Variants in WWOX observed in about 807,000 individuals in gnomAD.
WWOX encodes WW domain containing oxidoreductase, also known as WW domain-containing oxidoreductase.
Under a neutral mutation model 46.2 loss-of-function variants are expected in WWOX, and 69 were observed. The observed-to-expected ratio is 1.49, with a 90% CI of 1.23 to 1.82. WWOX has a LOEUF of 1.82. Among genes scored for constraint, WWOX ranks in the 40% most tolerant of loss-of-function variants. The pLI, the probability that WWOX is intolerant of heterozygous loss-of-function variation, is 0.00. For missense variants in WWOX, 919 were observed against 542.6 expected (o/e 1.69, Z -6.89); for synonymous variants, 359 against 202.6 (o/e 1.77, Z -6.56).
At chr16:78,394,917 G>T (rs1308921629) in intron 6 of WWOX, among the ~76,000 whole-genome samples, 1 of 152,166 alleles carries the variant, frequency 6.6e-6, no homozygotes, top group Non-Finnish European at 1.5e-5. Flanking sequence ...GTGTGGCTTT[G>T]GGCAAACTAC....
At chr16:79,041,647 A>G (rs2047973689) in intron 8 of WWOX, among the ~76,000 whole-genome samples, 1 of 152,106 alleles carries the variant, frequency 6.6e-6, no homozygotes, top group South Asian at 2.1e-4. Flanking sequence ...GGCCACCAAG[A>G]GCCATCCCAC....
intron 8 of WWOX, among the ~76,000 whole-genome samples, chr16:79,069,729 T>A (rs974403897): frequency 1.4e-4 from 22 of 152,136 alleles, no homozygotes; most frequent in African/African-American, 5.3e-4. Flanking sequence ...GTGGTCACCA[T>A]AGATGGCCAA....
chr16:78,571,365 G>A (rs76941086), intron 8 of WWOX, among the ~76,000 whole-genome samples: 5,754 of 152,172 alleles, frequency 0.038, 161 homozygotes, highest in East Asian at 0.14. Context: ...CCCATTAAAT[G>A]TGTATATATA....
intron 8 of WWOX, among the ~76,000 whole-genome samples, chr16:79,121,451 G>A (rs1036390258): frequency 1.3e-5 from 2 of 152,192 alleles, no homozygotes; most frequent in Admixed American, 6.5e-5. Flanking sequence ...TCTAAGGTCC[G>A]ATGTCGGTTT....
intron 1 of WWOX, among the ~76,000 whole-genome samples, chr16:78,107,120 A>G (rs980110515): frequency 6.0e-5 from 9 of 150,244 alleles, no homozygotes; most frequent in African/African-American, 2.3e-4. Context: ...TTCACATCTT[A>G]TCATCTAGAT....
intron 8 of WWOX, among the ~76,000 whole-genome samples, chr16:78,674,558 T>G (rs927345512): frequency 5.9e-5 from 9 of 152,166 alleles, no homozygotes; most frequent in African/African-American, 2.2e-4. Flanking sequence ...GTGCTGAGAT[T>G]ACAGGCTTGA....
chr16:78,181,317 T>C (rs1483297297), intron 5 of WWOX, among the ~76,000 whole-genome samples: 1 of 152,176 alleles, frequency 6.6e-6, no homozygotes, highest in African/African-American at 2.4e-5. Flanking sequence ...CTGTTTTCAG[T>C]GTTCTCTGAT....
chr16:79,212,360 G>C lies in WWOX; in HGVS notation c.*564G>C, dbSNP rs2051794496. On this transcript the variant is annotated 3_prime_UTR_variant, in exon 9 of 9. Coordinates refer to ENST00000566780, the MANE Select transcript of WWOX (RefSeq NM_016373.4). ...AGTGAGGATGACAGTGACACCCAGA[G>C]GGAGTAGAATACGCAGAACTACCAG... 1 of 583,812 alleles carries C rather than the reference G, an allele frequency of 1.7e-6. No homozygotes were observed. The highest frequency in any genetic ancestry group is 2.9e-6 in the Non-Finnish European group (1 of 346,164). 36.2% of individuals were successfully genotyped at this position (583,812 alleles called of 1,614,324 possible). A position where few individuals can be genotyped will look rare whatever the true frequency, so the allele number is the denominator to read the frequency against.
chr16:78,864,946 A>G (rs973212712), intron 8 of WWOX, among the ~76,000 whole-genome samples: 1 of 151,510 alleles, frequency 6.6e-6, no homozygotes, highest in African/African-American at 2.4e-5. Flanking sequence ...TATTTTTAGT[A>G]GAGTTGGGGT....
At chr16:78,505,879 C>G (rs866022098) in intron 8 of WWOX, among the ~76,000 whole-genome samples, 1 of 152,144 alleles carries the variant, frequency 6.6e-6, no homozygotes, top group Non-Finnish European at 1.5e-5. Flanking sequence ...GAGGAAGATT[C>G]GGCCTTTCTC....
intron 6 of WWOX, among the ~76,000 whole-genome samples, chr16:78,408,896 T>C (rs2082608754): frequency 6.6e-6 from 1 of 151,902 alleles, no homozygotes; most frequent in Admixed American, 6.6e-5. Flanking sequence ...GCCCTGGGTA[T>C]AAGTGTGTAA....
chr16:78,860,117 G>C (rs1329599346), intron 8 of WWOX, among the ~76,000 whole-genome samples: 1 of 152,182 alleles, frequency 6.6e-6, no homozygotes, highest in African/African-American at 2.4e-5. Context: ...TGGAATTGTG[G>C]AATATGAAGT....
chr16:78,738,630 G>C (rs920752826), intron 8 of WWOX, among the ~76,000 whole-genome samples: 6 of 152,180 alleles, frequency 3.9e-5, no homozygotes, highest in Non-Finnish European at 7.4e-5. Context: ...TTTTTGTTAC[G>C]CTTGTGGTTT....
chr16:78,771,270 A>C (rs1007962965), intron 8 of WWOX, among the ~76,000 whole-genome samples: 1 of 152,190 alleles, frequency 6.6e-6, no homozygotes, highest in African/African-American at 2.4e-5. Context: ...ATAGGTGGTG[A>C]AGACTGAAAC....
At chr16:78,749,670 A>G (rs2049430990) in intron 8 of WWOX, among the ~76,000 whole-genome samples, 1 of 152,210 alleles carries the variant, frequency 6.6e-6, no homozygotes, top group Non-Finnish European at 1.5e-5. Flanking sequence ...AGGAGGAAAA[A>G]TTATAGACCT....
At chr16:78,712,519 T>G (rs528754051) in intron 8 of WWOX, among the ~76,000 whole-genome samples, 1 of 151,722 alleles carries the variant, frequency 6.6e-6, no homozygotes, top group East Asian at 1.9e-4. Flanking sequence ...AAAAAAGTCT[T>G]ATATTGATTA....
At chr16:78,271,623 G>T (rs2079479513) in intron 5 of WWOX, among the ~76,000 whole-genome samples, 1 of 152,218 alleles carries the variant, frequency 6.6e-6, no homozygotes, top group African/African-American at 2.4e-5. Flanking sequence ...GTTCACCCCA[G>T]TGAGGTGGAG....
chr16:78,459,721 A>G (rs2083906249), intron 8 of WWOX, among the ~76,000 whole-genome samples: 2 of 152,202 alleles, frequency 1.3e-5, no homozygotes, highest in Admixed American at 1.3e-4. Flanking sequence ...TAAAAATAAT[A>G]CCAGTGACAT....
intron 8 of WWOX, among the ~76,000 whole-genome samples, chr16:79,064,428 C>T (rs745993555): frequency 6.6e-6 from 1 of 152,124 alleles, no homozygotes; most frequent in Non-Finnish European, 1.5e-5. Flanking sequence ...TGAGATAATG[C>T]GTGAAAAGTG....
Sources: gnomAD v4.1 joint callset for allele counts (sites outside exome capture counted in the v4.1 genomes callset) on GRCh38, gnomAD v4.1.1 for gene constraint, MANE v1.5 for transcripts, NCBI Gene and HGNC (gene_info 2026-07-23, HGNC 2026-07-21) for gene names.